Variants in VWCE observed in about 807,000 individuals in gnomAD.
The protein encoded by VWCE is von Willebrand factor C and EGF domains, also known as von Willebrand factor C and EGF domain-containing protein.
VWCE carries 68 observed loss-of-function variants against 102.9 expected under a neutral mutation model. The ratio of observed to expected loss-of-function variants is 0.66; its 90% CI spans 0.54 to 0.81. VWCE has a LOEUF of 0.81. VWCE is among the 30% of genes least tolerant of loss of function. VWCE has a pLI of 0.00. For synonymous variants in VWCE, 497 were observed against 515.4 expected, an observed-to-expected ratio of 0.96 and a Z score of 0.48; for missense variants, 1,137 against 1,263.6, an observed-to-expected ratio of 0.90 and a Z score of 1.52.
intron 9 of VWCE, among the ~76,000 whole-genome samples, chr11:61,279,779 G>A (rs952833890): frequency 6.6e-6 from 1 of 152,058 alleles, no homozygotes; most frequent in African/African-American, 2.4e-5. Flanking sequence ...AGGCTGGAGT[G>A]CAGTGGCACA....
intron 14 of VWCE, among the ~76,000 whole-genome samples, chr11:61,270,449 G>A (rs576236799): frequency 6.6e-6 from 1 of 152,362 alleles, no homozygotes; most frequent in South Asian, 2.1e-4. Flanking sequence ...AAGTAGAAAG[G>A]AAAGCCAGCA....
intron 10 of VWCE, 78 bp from the exon 11 acceptor site, chr11:61,276,758 C>G: frequency 5.9e-6 from 7 of 1,194,304 alleles, no homozygotes. Context: ...GCAGGCCCTT[C>G]GAACAGGAAA....
rs1854593371 is a variant in VWCE at position 61,269,032 on chromosome 11, G to A, written c.1786-14C>T. The A allele has an allele frequency of 1.2e-6, 2 of 1,613,350 alleles. No homozygotes were observed. The highest frequency in any genetic ancestry group is 1.3e-5 in the African/African-American group (1 of 75,034). ...CGAGCCATCTGCCTGGAGGAAGGAG[G>A]AACTTCACCAAGACCCCACCGGTGA... On this transcript the variant is annotated splice_polypyrimidine_tract_variant and intron_variant, in intron 14 of 19. Coordinates refer to ENST00000335613, the MANE Select transcript of VWCE (RefSeq NM_152718.2).
chr11:61,290,498 T>G (rs1590660049), intron 4 of VWCE, among the ~76,000 whole-genome samples: 1 of 123,356 alleles, frequency 8.1e-6, no homozygotes, highest in South Asian at 2.5e-4. Flanking sequence ...GGCAAAAGAG[T>G]GAAACTTCGT....
At chr11:61,273,463 AAAG>A (rs1178591493) in intron 12 of VWCE, 147 bp from the exon 13 acceptor site, 1 of 762,680 alleles carries the variant, frequency 1.3e-6, no homozygotes, top group East Asian at 2.9e-5. Flanking sequence ...TGAAACTGAC[AAAG>A]AAATCTCCAA....
intron 6 of VWCE, 177 bp downstream of exon 6, chr11:61,282,612 C>A (rs1855177795): frequency 3.2e-6 from 2 of 622,606 alleles, no homozygotes; most frequent in Non-Finnish European, 5.7e-6. Context: ...ACAGGGTCTT[C>A]ATGCAGAGCC....
At chr11:61,287,533 C>T (rs1054570834) in intron 4 of VWCE, among the ~76,000 whole-genome samples, 3 of 139,816 alleles carry the variant, frequency 2.1e-5, no homozygotes, top group Non-Finnish European at 2.9e-5. Context: ...CTGTTGAGGA[C>T]GCAAATGTGA....
intron 14 of VWCE, chr11:61,269,492 C>T (rs1854609541): frequency 6.3e-6 from 1 of 157,542 alleles, no homozygotes; most frequent in Non-Finnish European, 1.4e-5. Context: ...TATTGCCAGG[C>T]TGGAGTGCAA....
rs374285814 is a variant in VWCE, at chr11:61,265,614, T to C, written c.1966-402A>G. Among the ~76,000 whole-genome samples, 5 of 152,326 alleles carry C rather than the reference T, an allele frequency of 3.3e-5. No individual in the cohort carries two copies. The South Asian group carries it at 8.3e-4, about 25-fold the overall frequency. On this transcript the variant is annotated intron_variant, in intron 16 of 19. Coordinates refer to ENST00000335613, the MANE Select transcript of VWCE (RefSeq NM_152718.2). ...CTCAGGGCTGTTTACCGTGAGTTTC[T>C]CAATCTTTCTGCAGACCGTGTCCCT...
At chr11:61,264,446 G>A in intron 19 of VWCE, 41 bp downstream of exon 19, 1 of 1,578,998 alleles carries the variant, frequency 6.3e-7, no homozygotes, top group Non-Finnish European at 8.7e-7. Context: ...TAAAATGGAA[G>A]AAGATGGCGG....
In VWCE at chr11:61,286,326, G is replaced by T; in HGVS notation, c.529C>A (p.His177Asn). The T allele has an allele frequency of 6.2e-7, 1 of 1,608,638 alleles. No individual in the cohort carries two copies. ...GPGMQLSADR[H>N]SCQDTDECLG... ...CTCTGCAGCTCACCTTGGCAGCTGT[G>T]GCGGTCGGCAGACAGCTGCATGCCC... The change falls in exon 5 of 20, where the codon CAC (histidine) becomes AAC (asparagine). Residue 177 changes from histidine to asparagine, a missense_variant. Transcript: ENST00000335613.
chr11:61,292,631 A>G (rs1855540115), intron 1 of VWCE, among the ~76,000 whole-genome samples: 1 of 152,170 alleles, frequency 6.6e-6, no homozygotes, highest in East Asian at 1.9e-4. Flanking sequence ...TGAGGTCCAG[A>G]AAGGGCAGGA....
intron 9 of VWCE, 132 bp downstream of exon 9, chr11:61,280,492 G>C (rs1197229343): frequency 1.1e-6 from 1 of 888,742 alleles, no homozygotes; most frequent in Admixed American, 2.8e-5. Flanking sequence ...GCAGCGCCAA[G>C]GGAAGTGTGG....
At position 61,282,808 on chromosome 11, in the gene VWCE, G is replaced by A; in HGVS notation, c.639C>T (p.Gly213=). The A allele has an allele frequency of 1.9e-6, 3 of 1,614,134 alleles. No individual in the cohort carries two copies. The highest frequency in any genetic ancestry group is 2.5e-6 in the Non-Finnish European group (3 of 1,179,982). Reference sequence around the variant, plus strand: ...CCTTACCTACACAGGAGTGCCGGTTGCCATGAAGGTGGAAGCCAGTTCGAC... The same window carrying A: ...CCTTACCTACACAGGAGTGCCGGTTACCATGAAGGTGGAAGCCAGTTCGAC... ...CSCRTGFHLH[G]NRHSCVDVNE... is the part of the protein sequence containing the mutation. The change falls in exon 6 of 20, where the codon GGC becomes GGT. Residue 213 remains glycine, a synonymous_variant. Coordinates refer to ENST00000335613, the MANE Select transcript of VWCE (RefSeq NM_152718.2).
intron 4 of VWCE, among the ~76,000 whole-genome samples, chr11:61,288,899 C>T (rs1855414355): frequency 1.4e-5 from 2 of 145,474 alleles, no homozygotes; most frequent in Non-Finnish European, 3.0e-5. Flanking sequence ...AGTGCAGTGG[C>T]GCGAACTTGG....
Position 61,294,584 on chromosome 11 carries a change from G to C in VWCE, c.110+344C>G, listed in dbSNP as rs570966591. On this transcript the variant is annotated intron_variant, in intron 1 of 19. Transcript: ENST00000335613. The surrounding 1 kb of genome is among the most constrained non-coding windows in gnomAD (Gnocchi z 6.3). ...CCCGGGCAGAGCCACGGGCACGCTGGGGGGTGAGCCAGCCAGTCCGGAGAC... is the reference window on the plus strand; with the variant it reads ...CCCGGGCAGAGCCACGGGCACGCTGCGGGGTGAGCCAGCCAGTCCGGAGAC... 1.6e-4 allele frequency among the ~76,000 whole-genome samples: 24 copies of C among 152,260 alleles called. 1 individual carries two copies. The South Asian group carries it at 4.6e-3, about 29-fold the overall frequency.
chr11:61,272,180 GAC>G (rs1441532762), intron 13 of VWCE, among the ~76,000 whole-genome samples: 3 of 142,716 alleles, frequency 2.1e-5, no homozygotes, highest in Non-Finnish European at 4.6e-5. Flanking sequence ...ATACAACACA[GAC>G]ACACATGCAC....
rs535026346 is a variant in VWCE at position 61,264,850 on chromosome 11, G to A, written c.2139+106C>T. 6.4e-6 allele frequency: 8 copies of A among 1,241,418 alleles called. No individual in the cohort carries two copies. In the Admixed American group the frequency reaches 1.5e-4, roughly 24 times the overall value. 76.9% of individuals were successfully genotyped at this position (1,241,418 alleles called of 1,614,324 possible). On this transcript the variant is annotated intron_variant, in intron 18 of 19. Coordinates refer to ENST00000335613, the MANE Select transcript of VWCE (RefSeq NM_152718.2). ...GTTAATTAAAGGCGGAGGATGGCAGGAGGATGGATTTATGCTGGCTAAAGG... is the reference window on the plus strand; with the variant it reads ...GTTAATTAAAGGCGGAGGATGGCAGAAGGATGGATTTATGCTGGCTAAAGG...
rs977253634 is a variant in VWCE at position 61,294,783 on chromosome 11, C to T, written c.110+145G>A. ...AGTTGCTGACTCTTTGTGCCGTCCC[C>T]GAGCTGTGCCCGCGCTGATAGCACC... is the stretch of plus-strand genomic sequence containing the variant. On this transcript the variant is annotated intron_variant, in intron 1 of 19. Coordinates refer to ENST00000335613, the MANE Select transcript of VWCE (RefSeq NM_152718.2). The surrounding 1 kb of genome is among the most constrained non-coding windows in gnomAD (Gnocchi z 6.3). 8.9e-5 allele frequency: 43 copies of T among 484,504 alleles called. 1 individual carries two copies. In the South Asian group the frequency reaches 1.2e-3, roughly 14 times the overall value. 30.0% of individuals were successfully genotyped at this position (484,504 alleles called of 1,614,324 possible).
Sources: allele counts gnomAD v4.1 joint callset (sites outside exome capture counted in the v4.1 genomes callset), GRCh38; gene constraint gnomAD v4.1.1; non-coding constraint Gnocchi (gnomAD v3.1); transcripts MANE v1.5; gene names NCBI Gene and HGNC (gene_info 2026-07-23, HGNC 2026-07-21).